The following TBC1D22B variants were observed in gnomAD, a reference collection of about 807,000 sequenced individuals.
The protein encoded by TBC1D22B is TBC1 domain family member 22B.
TBC1D22B carries 32 observed loss-of-function variants against 69.1 expected under a neutral mutation model. The observed-to-expected ratio is 0.46, with a 90% confidence interval of 0.35 to 0.62. TBC1D22B has a LOEUF of 0.62. Among genes scored for constraint, TBC1D22B ranks in the 20% least tolerant of loss-of-function variants. The probability of loss-of-function intolerance (pLI) is 0.00; values close to 1 mark genes in which losing one functional copy is unlikely to be tolerated. For synonymous variants in TBC1D22B, 206 were observed against 229.8 expected (o/e 0.90, Z 0.94); for missense variants, 462 against 630.9 (o/e 0.73, Z 2.87).
chr6:37,260,128 G>GA (rs1365788313), intron 1 of TBC1D22B, among the ~76,000 whole-genome samples: 3 of 152,178 alleles, frequency 2.0e-5, no homozygotes, highest in East Asian at 1.9e-4. Flanking sequence ...GGTCATAGGA[G>GA]AAAACTAAGG....
At chr6:37,286,714 C>G (rs1412842971) in intron 6 of TBC1D22B, among the ~76,000 whole-genome samples, 1 of 149,856 alleles carries the variant, frequency 6.7e-6, no homozygotes, top group African/African-American at 2.4e-5. Context: ...CAGGCCAAGG[C>G]GGGTGGGTCA....
intron 7 of TBC1D22B, among the ~76,000 whole-genome samples, chr6:37,289,296 T>C (rs1767104688): frequency 6.6e-6 from 1 of 152,354 alleles, no homozygotes; most frequent in South Asian, 2.1e-4. Flanking sequence ...GCCTATAGTA[T>C]GTAAGAATTA....
At position 37,315,031 on chromosome 6, in the gene TBC1D22B, C is replaced by T. The variant is rs566713239; in HGVS notation, c.1165+1140C>T. ...TGCAGGTCTCTTGACATCCCTCAAC[C>T]GGAGCCTAGCACAGAGTGTATGCTG... On this transcript the variant is annotated intron_variant, in intron 10 of 12. Transcript: ENST00000373491. Among the ~76,000 whole-genome samples the T allele has an allele frequency of 3.3e-5, 5 of 152,244 alleles. No individual in the cohort carries two copies. The South Asian group carries it at 8.3e-4, about 25-fold the overall frequency.
intron 1 of TBC1D22B, among the ~76,000 whole-genome samples, chr6:37,262,767 C>T (rs979525327): frequency 2.3e-4 from 35 of 152,202 alleles, no homozygotes; most frequent in African/African-American, 7.5e-4. Flanking sequence ...GTTGCCAACA[C>T]GTTTGGCATT....
intron 12 of TBC1D22B, among the ~76,000 whole-genome samples, chr6:37,329,797 T>C (rs1331648427): frequency 6.6e-6 from 1 of 152,202 alleles, no homozygotes; most frequent in African/African-American, 2.4e-5. Flanking sequence ...TCCATTCATA[T>C]CCATTTTCTA....
chr6:37,323,533 A>AG (rs1329875448), intron 12 of TBC1D22B, among the ~76,000 whole-genome samples: 1 of 152,158 alleles, frequency 6.6e-6, no homozygotes, highest in Non-Finnish European at 1.5e-5. Flanking sequence ...TGAAATGACA[A>AG]GGGGGTCAGC....
At chr6:37,284,570 A>G (rs952475217) in intron 6 of TBC1D22B, 106 bp downstream of exon 6, 6 of 1,278,292 alleles carry the variant, frequency 4.7e-6, no homozygotes, top group Admixed American at 5.6e-5. Flanking sequence ...AGGCTGTGGT[A>G]TATTGGTTAG....
At chr6:37,328,269 C>T (rs1017017903) in intron 12 of TBC1D22B, among the ~76,000 whole-genome samples, 2 of 152,100 alleles carry the variant, frequency 1.3e-5, no homozygotes, top group African/African-American at 2.4e-5. Context: ...TGTGCCACTG[C>T]GTTCCAGCCT....
chr6:37,298,197 T>A lies in TBC1D22B; in HGVS notation c.982+6840T>A, dbSNP rs543635766. Among the ~76,000 whole-genome samples the A allele has an allele frequency of 5.8e-4, 87 of 150,372 alleles. 1 individual carries two copies. In the East Asian group the frequency reaches 7.4e-3, roughly 13 times the overall value. Reference sequence around the variant, plus strand: ...GTATCCCAGAACTTAAAGTATAATTTAAAAAAAAAATCAAAACAATATAGA... The same window carrying A: ...GTATCCCAGAACTTAAAGTATAATTAAAAAAAAAAATCAAAACAATATAGA... On this transcript the variant is annotated intron_variant, in intron 8 of 12. Coordinates refer to ENST00000373491, the MANE Select transcript of TBC1D22B (RefSeq NM_017772.4).
intron 2 of TBC1D22B, among the ~76,000 whole-genome samples, chr6:37,271,096 T>C (rs1164288476): frequency 1.3e-5 from 2 of 152,054 alleles, no homozygotes; most frequent in African/African-American, 4.8e-5. Flanking sequence ...GCGGATCACT[T>C]GAGGTCAGGA....
At chr6:37,284,312 T>C (rs979000253) in intron 5 of TBC1D22B, 24 bp from the exon 6 acceptor site, 1 of 1,613,972 alleles carries the variant, frequency 6.2e-7, no homozygotes, top group African/African-American at 1.3e-5. Context: ...TCTTTCCCCA[T>C]CTGACCAGCA....
intron 2 of TBC1D22B, among the ~76,000 whole-genome samples, chr6:37,270,767 A>C (rs1213508264): frequency 6.6e-6 from 1 of 152,210 alleles, no homozygotes; most frequent in Non-Finnish European, 1.5e-5. Flanking sequence ...CTGAATGGTT[A>C]GGGAGATGCA....
intron 12 of TBC1D22B, among the ~76,000 whole-genome samples, chr6:37,322,595 C>T (rs1768283203): frequency 6.6e-6 from 1 of 152,202 alleles, no homozygotes; most frequent in African/African-American, 2.4e-5. Flanking sequence ...TGCTGAGAGA[C>T]CTGCTATCCC....
At chr6:37,281,653 A>G (rs1001237638) in intron 3 of TBC1D22B, among the ~76,000 whole-genome samples, 6 of 152,172 alleles carry the variant, frequency 3.9e-5, no homozygotes, top group Admixed American at 3.9e-4. Context: ...GGGCTTGTGG[A>G]GAGCAACCAC....
chr6:37,299,739 G>T (rs1453313697), intron 8 of TBC1D22B, among the ~76,000 whole-genome samples: 1 of 152,170 alleles, frequency 6.6e-6, no homozygotes, highest in Non-Finnish European at 1.5e-5. Context: ...GCCGGGCATG[G>T]TGGCTCACAT....
At chr6:37,330,631 G>A (rs1339344178) in intron 12 of TBC1D22B, among the ~76,000 whole-genome samples, 2 of 152,108 alleles carry the variant, frequency 1.3e-5, no homozygotes, top group African/African-American at 4.8e-5. Flanking sequence ...GGGTGACAGA[G>A]CGAGATCCTG....
intron 8 of TBC1D22B, among the ~76,000 whole-genome samples, chr6:37,294,964 T>C (rs536474007): frequency 2.0e-5 from 3 of 152,238 alleles, no homozygotes; most frequent in Non-Finnish European, 4.4e-5. Flanking sequence ...TGACATACTT[T>C]CTTGAGATGG....
chr6:37,283,172 C>T (rs1766892573), intron 5 of TBC1D22B, among the ~76,000 whole-genome samples: 1 of 152,134 alleles, frequency 6.6e-6, no homozygotes, highest in Non-Finnish European at 1.5e-5. Flanking sequence ...TACCAATAGT[C>T]ATGGTGTCAT....
At chr6:37,289,187 CCAT>C (rs1487929324) in intron 7 of TBC1D22B, among the ~76,000 whole-genome samples, 1 of 152,210 alleles carries the variant, frequency 6.6e-6, no homozygotes, top group Non-Finnish European at 1.5e-5. Flanking sequence ...GCGTGAGCCA[CCAT>C]CCAGGCTGGT....
Sources: allele counts gnomAD v4.1 joint callset (sites outside exome capture counted in the v4.1 genomes callset), GRCh38; gene constraint gnomAD v4.1.1; transcripts MANE v1.5; gene names NCBI Gene and HGNC (gene_info 2026-07-23, HGNC 2026-07-21).